The following ANKS1B variants were observed in gnomAD, a reference collection of about 807,000 sequenced individuals.
ANKS1B encodes the protein ankyrin repeat and sterile alpha motif domain-containing protein 1B.
Under a neutral mutation model 148.3 loss-of-function variants are expected in ANKS1B, and 36 were observed. The observed-to-expected ratio is 0.24, with a 90% CI of 0.19 to 0.32. The LOEUF (loss-of-function observed/expected upper bound fraction) is 0.32. Ranked by LOEUF, ANKS1B falls within the 10% of genes least tolerant of loss-of-function variation. The pLI, the probability that ANKS1B is intolerant of heterozygous loss-of-function variation, is 1.00. For synonymous variants in ANKS1B, 542 were observed against 560.8 expected (o/e 0.97, Z 0.47); for missense variants, 1,157 against 1,542.6 (o/e 0.75, Z 4.19).
intron 1 of ANKS1B, among the ~76,000 whole-genome samples, chr12:99,965,438 T>C (rs1235284116): frequency 6.6e-6 from 1 of 152,202 alleles, no homozygotes. Flanking sequence ...GATATCTGCA[T>C]AAATGTACCT....
chr12:99,745,490 CT>C (rs2060510932), intron 8 of ANKS1B, among the ~76,000 whole-genome samples: 1 of 152,148 alleles, frequency 6.6e-6, no homozygotes, highest in African/African-American at 2.4e-5. Context: ...CATGTGGCTT[CT>C]CATTTATTGA....
At chr12:99,052,047 T>C (rs1194971133) in intron 17 of ANKS1B, among the ~76,000 whole-genome samples, 2 of 152,206 alleles carry the variant, frequency 1.3e-5, no homozygotes, top group Non-Finnish European at 2.9e-5. Context: ...AAACTAAAAC[T>C]ATTCTTTAAA....
intron 4 of ANKS1B, among the ~76,000 whole-genome samples, chr12:99,785,001 A>G (rs1174194211): frequency 6.6e-6 from 1 of 152,128 alleles, no homozygotes; most frequent in Non-Finnish European, 1.5e-5. Flanking sequence ...TGTATCCCCA[A>G]TGCCTAGCAA....
At chr12:99,259,425 C>T (rs1159392199) in intron 12 of ANKS1B, among the ~76,000 whole-genome samples, 1 of 152,186 alleles carries the variant, frequency 6.6e-6, no homozygotes, top group Admixed American at 6.5e-5. Context: ...GTCTATTAGC[C>T]CTACACTCTG....
rs2089018059 is a variant in ANKS1B at position 99,240,312 on chromosome 12, A to G, written c.2419+4030T>C. Among the ~76,000 whole-genome samples, 3 of 152,350 alleles carry G rather than the reference A, an allele frequency of 2.0e-5. No individual in the cohort carries two copies. In the South Asian group the frequency reaches 6.2e-4, roughly 32 times the overall value. ...TAAACCAACAAGATCAAAAGAGACA[A>G]AGAAGGCCACTATATAATGGTAAAC... On this transcript the variant is annotated intron_variant, in intron 14 of 26. Coordinates refer to ENST00000683438, the MANE Select transcript of ANKS1B (RefSeq NM_001352186.2).
At chr12:99,250,387 C>T (rs7967964) in intron 12 of ANKS1B, among the ~76,000 whole-genome samples, 3 of 151,988 alleles carry the variant, frequency 2.0e-5, no homozygotes, top group Non-Finnish European at 4.4e-5. Flanking sequence ...CAGGAGGGGC[C>T]GTCCCTCCAC....
intron 8 of ANKS1B, among the ~76,000 whole-genome samples, chr12:99,679,300 CTCTAAAGTTTTGT>C (rs2098600162): frequency 6.6e-6 from 1 of 152,068 alleles, no homozygotes; most frequent in East Asian, 1.9e-4. Context: ...GATTTTTGAA[CTCTAAAGTTTTGT>C]TGTTGTTTTG....
chr12:99,251,952 T>C (rs569650143), intron 12 of ANKS1B, among the ~76,000 whole-genome samples: 9 of 152,274 alleles, frequency 5.9e-5, no homozygotes, highest in South Asian at 2.1e-4. Flanking sequence ...CCTGCCTTCA[T>C]GGTGCCTACA....
chr12:99,523,551 CTTTTTTTTTT>C (rs71088130), intron 9 of ANKS1B, among the ~76,000 whole-genome samples: 3 of 119,640 alleles, frequency 2.5e-5, no homozygotes, highest in Admixed American at 8.7e-5. Flanking sequence ...AAGGCATCTT[CTTTTTTTTTT>C]TTTTTTTTTT....
intron 9 of ANKS1B, chr12:99,648,585 GCTC>G: frequency 6.2e-7 from 1 of 1,614,174 alleles, no homozygotes; most frequent in South Asian, 1.1e-5. Context: ...TAAAAAAACA[GCTC>G]CACCTGAAGC....
chr12:98,936,671 G>T (rs909461413), intron 17 of ANKS1B, among the ~76,000 whole-genome samples: 1 of 151,738 alleles, frequency 6.6e-6, no homozygotes, highest in Non-Finnish European at 1.5e-5. Flanking sequence ...ATAGCTCTCT[G>T]TTAACTAAGG....
chr12:99,487,687 GATT>G (rs2096510768), intron 10 of ANKS1B, among the ~76,000 whole-genome samples: 1 of 151,846 alleles, frequency 6.6e-6, no homozygotes, highest in Non-Finnish European at 1.5e-5. Context: ...ATTATATTAT[GATT>G]TCAGATTGTG....
At chr12:98,860,603 G>A (rs1355299851) in intron 17 of ANKS1B, among the ~76,000 whole-genome samples, 6 of 152,160 alleles carry the variant, frequency 3.9e-5, no homozygotes, top group Admixed American at 3.3e-4. Context: ...CACCTCCCAC[G>A]TATAAATGAG....
chr12:99,433,518 C>T (rs1325822984), intron 11 of ANKS1B, among the ~76,000 whole-genome samples: 1 of 152,028 alleles, frequency 6.6e-6, no homozygotes. Flanking sequence ...GAACTGCTGG[C>T]CTAGAGGATT....
chr12:98,847,184 G>T (rs918265831), intron 17 of ANKS1B, among the ~76,000 whole-genome samples: 3 of 152,128 alleles, frequency 2.0e-5, no homozygotes, highest in African/African-American at 7.2e-5. Context: ...ACTATTGTTA[G>T]TTACTGGAAC....
intron 9 of ANKS1B, among the ~76,000 whole-genome samples, chr12:99,608,068 T>C (rs1183341522): frequency 6.6e-6 from 1 of 152,100 alleles, no homozygotes; most frequent in Non-Finnish European, 1.5e-5. Flanking sequence ...TTGGGTCTCT[T>C]AGAGCTGAGG....
At chr12:99,364,878 C>T (rs938586123) in intron 12 of ANKS1B, among the ~76,000 whole-genome samples, 1 of 152,120 alleles carries the variant, frequency 6.6e-6, no homozygotes, top group African/African-American at 2.4e-5. Context: ...GACAAGGGTC[C>T]TAGGGGCAGT....
At position 98,799,067 on chromosome 12, in the gene ANKS1B, A is replaced by AAAAC; in HGVS notation, c.3271-66_3271-63dup. The stretch of plus-strand genomic sequence containing the variant: ...GAATATACATATGAGTAATGTTTTA[A>AAAAC]AAACAAATTGTGGAAGTATTACTGG... On this transcript the variant is annotated intron_variant, in intron 21 of 26. Transcript: ENST00000683438. 6.5e-6 allele frequency: 8 copies of AAAAC among 1,237,072 alleles called. 2 individuals are homozygous for AAAAC. The highest frequency in any genetic ancestry group is 2.0e-4 in the Middle Eastern group (1 of 5,056). The allele number at this position is 1,237,072 out of a possible 1,614,324, so 76.6% of individuals were successfully genotyped here.
chr12:99,247,460 A>T (rs1442449907), intron 12 of ANKS1B, among the ~76,000 whole-genome samples: 1 of 152,212 alleles, frequency 6.6e-6, no homozygotes, highest in East Asian at 1.9e-4. Context: ...TTCAGACTTA[A>T]CAAAGGCAAA....
Sources: allele counts gnomAD v4.1 joint callset (sites outside exome capture counted in the v4.1 genomes callset), GRCh38; gene constraint gnomAD v4.1.1; transcripts MANE v1.5; gene names NCBI Gene and HGNC (gene_info 2026-07-23, HGNC 2026-07-21).